The following MED12L variants were observed in gnomAD, a reference collection of about 807,000 sequenced individuals.
The protein encoded by MED12L is mediator of RNA polymerase II transcription subunit 12-like protein.
Under a neutral mutation model 281.3 loss-of-function variants are expected in MED12L, and 60 were observed. That is an observed-to-expected ratio of 0.21 (90% CI 0.17 to 0.26). The LOEUF (loss-of-function observed/expected upper bound fraction) is 0.26. Ranked by LOEUF, MED12L falls within the 10% of genes least tolerant of loss-of-function variation. The pLI is 1.00. For synonymous variants in MED12L, 974 were observed against 987.2 expected, an observed-to-expected ratio of 0.99 and a Z score of 0.25; for missense variants, 2,146 against 2,680.9, an observed-to-expected ratio of 0.80 and a Z score of 4.41.
intron 16 of MED12L, among the ~76,000 whole-genome samples, chr3:151,228,538 A>G (rs1730995974): frequency 6.6e-6 from 1 of 152,218 alleles, no homozygotes; most frequent in South Asian, 2.1e-4. Flanking sequence ...GACCCTTTGC[A>G]GAGTGCTCTG....
intron 16 of MED12L, among the ~76,000 whole-genome samples, chr3:151,301,335 A>T (rs554071222): frequency 6.6e-6 from 1 of 152,322 alleles, no homozygotes; most frequent in Non-Finnish European, 1.5e-5. Context: ...CATTTCAAGG[A>T]AATTGCCTGA....
At chr3:151,327,553 CT>C (rs1229239700) in intron 16 of MED12L, 1 of 152,050 alleles carries the variant, frequency 6.6e-6, no homozygotes, top group Admixed American at 6.6e-5. Context: ...CAGCAATGGA[CT>C]TCAAGAGTTG....
At chr3:151,397,240 A>G (rs1715095309) in intron 39 of MED12L, among the ~76,000 whole-genome samples, 1 of 152,174 alleles carries the variant, frequency 6.6e-6, no homozygotes, top group Non-Finnish European at 1.5e-5. Context: ...CTCACTTCAT[A>G]TTGTTTTTAA....
intron 16 of MED12L, chr3:151,338,475 T>C (rs1751344117): frequency 1.9e-6 from 3 of 1,614,024 alleles, no homozygotes; most frequent in African/African-American, 1.3e-5. Flanking sequence ...GGTGGTCTTC[T>C]GGTAGCGATC....
chr3:151,094,795 G>A (rs1204152380), intron 2 of MED12L, among the ~76,000 whole-genome samples: 1 of 152,136 alleles, frequency 6.6e-6, no homozygotes, highest in Non-Finnish European at 1.5e-5. Context: ...TGTAACAATA[G>A]ATATGTACTA....
At chr3:151,410,662 ATTAGT>A (rs1410380397) in intron 40 of MED12L, among the ~76,000 whole-genome samples, 1 of 152,244 alleles carries the variant, frequency 6.6e-6, no homozygotes, top group African/African-American at 2.4e-5. Flanking sequence ...TGTTCACATT[ATTAGT>A]AGAGTGCCAA....
intron 37 of MED12L, among the ~76,000 whole-genome samples, chr3:151,389,110 C>T (rs1713845745): frequency 6.6e-6 from 1 of 152,188 alleles, no homozygotes; most frequent in Admixed American, 6.5e-5. Context: ...TCAGTGCCCC[C>T]TTCTCATTCA....
At chr3:151,375,675 C>T (rs888575337) in intron 27 of MED12L, among the ~76,000 whole-genome samples, 12 of 151,920 alleles carry the variant, frequency 7.9e-5, no homozygotes, top group African/African-American at 2.7e-4. Context: ...TTATGAAGAA[C>T]GTATATCTGA....
chr3:151,411,580 C>A, intron 41 of MED12L, 73 bp downstream of exon 41: 1 of 1,312,924 alleles, frequency 7.6e-7, no homozygotes, highest in Non-Finnish European at 1.1e-6. Flanking sequence ...TCTTATAGGG[C>A]ATGGTACTTT....
chr3:151,257,377 T>C (rs941052866), intron 16 of MED12L, among the ~76,000 whole-genome samples: 9 of 152,252 alleles, frequency 5.9e-5, no homozygotes, highest in African/African-American at 2.2e-4. Flanking sequence ...TGAGAAACAA[T>C]ATATCTGAAT....
chr3:151,397,464 G>C (rs1452191577), intron 39 of MED12L, among the ~76,000 whole-genome samples: 1 of 152,188 alleles, frequency 6.6e-6, no homozygotes, highest in Admixed American at 6.5e-5. Flanking sequence ...CCTGTACTTA[G>C]GAGGTTCTGA....
intron 11 of MED12L, among the ~76,000 whole-genome samples, chr3:151,166,796 C>T (rs956792607): frequency 1.3e-5 from 2 of 152,052 alleles, no homozygotes; most frequent in African/African-American, 4.8e-5. Flanking sequence ...CTGCCTCAGC[C>T]TCCCGAGTAG....
At chr3:151,201,332 T>A (rs1392890852) in intron 16 of MED12L, among the ~76,000 whole-genome samples, 1 of 152,208 alleles carries the variant, frequency 6.6e-6, no homozygotes, top group Non-Finnish European at 1.5e-5. Flanking sequence ...CTAGTTTCTC[T>A]CTACCATCTC....
chr3:151,086,725 GC>G, intron 1 of MED12L, 72 bp from the exon 2 acceptor site: 1 of 478,296 alleles, frequency 2.1e-6, no homozygotes, highest in Non-Finnish European at 3.7e-6. Context: ...CCCGCCGAAG[GC>G]TGTCCCCATC....
chr3:151,430,161 C>A, intron 43 of MED12L, 138 bp from the exon 44 acceptor site: 4 of 1,238,682 alleles, frequency 3.2e-6, no homozygotes, highest in Non-Finnish European at 4.4e-6. Context: ...AAAATTAATC[C>A]ACACACAGTT....
At position 151,166,352 on chromosome 3, in the gene MED12L, G is replaced by T. The variant is rs566278256; in HGVS notation, c.1494+370G>T. 7.2e-5 allele frequency among the ~76,000 whole-genome samples: 11 copies of T among 152,204 alleles called. No individual in the cohort carries two copies. The East Asian group carries it at 2.1e-3, about 29-fold the overall frequency. On this transcript the variant is annotated intron_variant, in intron 11 of 44. Transcript: ENST00000687756. Reference sequence around the variant, plus strand: ...TTTAGCACAGCAGAGGGCAGTGCATGAATACCCGTGGTCATGATCTTTCAA... The same window carrying T: ...TTTAGCACAGCAGAGGGCAGTGCATTAATACCCGTGGTCATGATCTTTCAA...
intron 12 of MED12L, among the ~76,000 whole-genome samples, chr3:151,187,921 G>A (rs1576918558): frequency 2.0e-5 from 3 of 152,262 alleles, no homozygotes; most frequent in East Asian, 3.9e-4. Flanking sequence ...ATTATTTTTA[G>A]CAATTTTGCA....
rs141210385 is a variant in MED12L at position 151,361,843 on chromosome 3, T to C, written c.2957+1238T>C. On this transcript the variant is annotated intron_variant, in intron 21 of 44. Coordinates refer to ENST00000687756, the MANE Select transcript of MED12L (RefSeq NM_001393769.1). Reference sequence around the variant, plus strand: ...TCCTACTTCAAATAGCATCCCCAACTTCCTGTCATTCGTTGTATCTTAGCA... The same window carrying C: ...TCCTACTTCAAATAGCATCCCCAACCTCCTGTCATTCGTTGTATCTTAGCA... Among the ~76,000 whole-genome samples the C allele has an allele frequency of 3.3e-5, 5 of 152,210 alleles. No homozygotes were observed. In the East Asian group the frequency reaches 9.7e-4, roughly 29 times the overall value.
At position 151,163,841 on chromosome 3, in the gene MED12L, T is replaced by TCGCCG; in HGVS notation, c.1108-52_1108-51insCGCCG. ...TGTCGTTTTTACTGTTTAGCTATTG[T>TCGCCG]TATGCTTTTCTCCTTCCTCTGAACA... On this transcript the variant is annotated intron_variant, in intron 8 of 44. Coordinates refer to ENST00000687756, the MANE Select transcript of MED12L (RefSeq NM_001393769.1). 6.4e-6 allele frequency: 10 copies of TCGCCG among 1,570,520 alleles called. No homozygotes were observed. The Admixed American group carries it at 6.9e-5, about 11-fold the overall frequency.
Sources: gnomAD v4.1 joint callset for allele counts (sites outside exome capture counted in the v4.1 genomes callset) on GRCh38, gnomAD v4.1.1 for gene constraint, MANE v1.5 for transcripts, NCBI Gene and HGNC (gene_info 2026-07-23, HGNC 2026-07-21) for gene names.